The following ZNF423 variants were observed in gnomAD, a reference collection of about 807,000 sequenced individuals.
ZNF423 encodes Ebf-associated zinc finger protein.
ZNF423 carries 12 observed loss-of-function variants against 95.8 expected under a neutral mutation model. The observed-to-expected ratio is 0.13, with a 90% CI of 0.08 to 0.20. The LOEUF (loss-of-function observed/expected upper bound fraction) is 0.20, where lower values mean the gene tolerates loss of function less well. Among genes scored for constraint, ZNF423 ranks in the 10% least tolerant of loss-of-function variants. The pLI is 1.00. For missense variants in ZNF423, 1,316 were observed against 1,737.1 expected, an observed-to-expected ratio of 0.76 and a Z score of 4.31; for synonymous variants, 749 against 711.9, an observed-to-expected ratio of 1.05 and a Z score of -0.83.
At chr16:49,667,503 G>C (rs2030600424) in intron 3 of ZNF423, among the ~76,000 whole-genome samples, 1 of 152,262 alleles carries the variant, frequency 6.6e-6, no homozygotes, top group Admixed American at 6.5e-5. Flanking sequence ...CCCAGAGTCA[G>C]ACCATTATCT....
intron 5 of ZNF423, among the ~76,000 whole-genome samples, chr16:49,605,795 A>C (rs1971520018): frequency 6.6e-6 from 1 of 152,154 alleles, no homozygotes; most frequent in African/African-American, 2.4e-5. Context: ...TTGACTGACA[A>C]GTGTCAGTTG....
At chr16:49,743,319 G>C (rs1380029438) in intron 2 of ZNF423, among the ~76,000 whole-genome samples, 1 of 152,064 alleles carries the variant, frequency 6.6e-6, no homozygotes, top group Non-Finnish European at 1.5e-5. Flanking sequence ...GAGCTCGCTG[G>C]GCACCTCTCC....
In ZNF423 at chr16:49,491,251, A is replaced by G; in HGVS notation, c.*24T>C. 6.2e-7 allele frequency: 1 copy of G among 1,614,060 alleles called. No individual in the cohort carries two copies. ...GGCGTCTCCGGCAAGCCTTCTGCGGAGAGGTGTCCTGTTGAGCGATCCCTC... is the reference window on the plus strand; with the variant it reads ...GGCGTCTCCGGCAAGCCTTCTGCGGGGAGGTGTCCTGTTGAGCGATCCCTC... On this transcript the variant is annotated 3_prime_UTR_variant, in exon 8 of 8. Coordinates refer to ENST00000563137, the MANE Select transcript of ZNF423 (RefSeq NM_001379286.1).
chr16:49,810,753 C>T (rs4074849), intron 1 of ZNF423, among the ~76,000 whole-genome samples: 9,456 of 152,270 alleles, frequency 0.062, 353 homozygotes, highest in South Asian at 0.12. Context: ...CTATAATGCC[C>T]CTCTCGGAAA....
rs374040471 is a variant in ZNF423 at position 49,575,323 on chromosome 16, G to A, written c.3602-49829C>T. The stretch of plus-strand genomic sequence containing the variant: ...CTGCCATTTCATGTAATAATTCCAC[G>A]GGGAGTCCTGGCGGGTATTTAGCTC... On this transcript the variant is annotated intron_variant, in intron 5 of 7. Transcript: ENST00000563137. Among the ~76,000 whole-genome samples the A allele has an allele frequency of 4.5e-4, 69 of 152,134 alleles. No homozygotes were observed. In the South Asian group the frequency reaches 0.011, roughly 23 times the overall value.
Position 49,635,996 on chromosome 16 carries a change from C to A in ZNF423, c.3180G>T (p.Ala1060=). The A allele has an allele frequency of 6.2e-7, 1 of 1,602,084 alleles. No homozygotes were observed. Residue 1060 remains alanine (A), a synonymous_variant, in exon 4 of 8, where the codon GCG becomes GCT. Coordinates refer to ENST00000563137, the MANE Select transcript of ZNF423 (RefSeq NM_001379286.1). The surrounding 1 kb of genome is among the most constrained non-coding windows in gnomAD (Gnocchi z 4.8). ...GCAGCCCCTGGCCATTGGGGGAGGA[C>A]GCCGCTGAGCTGCCCGCCAGCTTCT... The part of the protein sequence containing the change: ...HMQKLAGSSA[A]SSPNGQGLQK...
intron 3 of ZNF423, among the ~76,000 whole-genome samples, chr16:49,657,554 G>A (rs1447253775): frequency 1.3e-5 from 2 of 152,200 alleles, no homozygotes; most frequent in African/African-American, 4.8e-5. Context: ...GGGAGGTGAT[G>A]CCCCCAGGGG....
Position 49,636,322 on chromosome 16 carries a change from C to G in ZNF423, c.2854G>C (p.Gly952Arg). 4 of 1,612,678 alleles carry G rather than the reference C, an allele frequency of 2.5e-6. No homozygotes were observed. The highest frequency in any genetic ancestry group is 3.4e-6 in the Non-Finnish European group (4 of 1,180,022). Residue 952 changes from glycine to arginine, a missense_variant, in exon 4 of 8, where the codon GGG (glycine) becomes CGG (arginine). Gly to Arg is a moderately radical substitution (Grantham distance 125). Transcript: ENST00000563137. This position sits in a 1 kb window ranked among gnomAD's most constrained non-coding sequence, Gnocchi z 8.6. ...TGCGTCTGCAGGTGCTCCCGTAGCC[C>G]GTTCTCCGAGAAGAAAGTCCGTGAA... ...VCSRTFFSEN[G>R]LREHLQTHRG...
At position 49,499,254 on chromosome 16, in the gene ZNF423, G is replaced by A. The variant is rs145029990; in HGVS notation, c.3850-7950C>T. On this transcript the variant is annotated intron_variant, in intron 7 of 7. Transcript: ENST00000563137. ...GCAGCAGCTCTTCCATGCACGGGAT[G>A]TGCGTGAGGTTTTCCCGTCCCTGCC... is the stretch of plus-strand genomic sequence containing the variant. Among the ~76,000 whole-genome samples, 817 of 152,346 alleles carry A rather than the reference G, an allele frequency of 5.4e-3. 10 individuals carry two copies. The highest frequency in any genetic ancestry group is 0.018 in the African/African-American group (753 of 41,578).
intron 5 of ZNF423, among the ~76,000 whole-genome samples, chr16:49,587,712 C>A (rs757792691): frequency 1.1e-4 from 17 of 152,080 alleles, no homozygotes; most frequent in Non-Finnish European, 2.5e-4. Context: ...CTATAAAAGT[C>A]ATCAACTTCT....
At chr16:49,816,913 C>T (rs995758991) in intron 1 of ZNF423, among the ~76,000 whole-genome samples, 2 of 152,212 alleles carry the variant, frequency 1.3e-5, no homozygotes, top group East Asian at 1.9e-4. Flanking sequence ...CTAACCTATA[C>T]TGAGCAATCA....
chr16:49,518,100 T>C (rs1968228896), intron 7 of ZNF423: 2 of 441,688 alleles, frequency 4.5e-6, no homozygotes, highest in South Asian at 1.6e-5. Flanking sequence ...GAAAAGTTCA[T>C]TGCAAGCCCT....
At chr16:49,507,778 C>T (rs12596987) in intron 7 of ZNF423, among the ~76,000 whole-genome samples, 31,109 of 152,164 alleles carry the variant, frequency 0.2, 3,295 homozygotes, top group African/African-American at 0.28. Context: ...GCAATGGTTG[C>T]AGAGGCACCA....
intron 5 of ZNF423, among the ~76,000 whole-genome samples, chr16:49,619,345 A>C (rs141026441): frequency 2.2e-3 from 335 of 152,350 alleles, no homozygotes; most frequent in Non-Finnish European, 4.1e-3. Context: ...TCAATGACAG[A>C]GGCCTTCCCC....
intron 3 of ZNF423, among the ~76,000 whole-genome samples, chr16:49,652,366 C>T (rs1428578157): frequency 6.6e-6 from 1 of 151,702 alleles, no homozygotes; most frequent in Non-Finnish European, 1.5e-5. Context: ...AAAAAAAAAG[C>T]CAGTGCTCAT....
intron 5 of ZNF423, among the ~76,000 whole-genome samples, chr16:49,588,819 A>G (rs2151813248): frequency 6.6e-6 from 1 of 152,358 alleles, no homozygotes; most frequent in South Asian, 2.1e-4. Flanking sequence ...TGCTACCACT[A>G]CGCCACCAGT....
intron 6 of ZNF423, 117 bp downstream of exon 6, chr16:49,525,246 G>C: frequency 6.8e-7 from 1 of 1,463,504 alleles, no homozygotes; most frequent in South Asian, 1.3e-5. Flanking sequence ...ACGGAGTCCT[G>C]GTCTATAACA....
intron 1 of ZNF423, among the ~76,000 whole-genome samples, chr16:49,836,810 A>G (rs1378241230): frequency 6.6e-6 from 1 of 152,048 alleles, no homozygotes; most frequent in Admixed American, 6.5e-5. Flanking sequence ...CTCTCCTACT[A>G]GTAAGAAGGC....
At chr16:49,788,638 C>T (rs1015540466) in intron 2 of ZNF423, among the ~76,000 whole-genome samples, 1 of 152,238 alleles carries the variant, frequency 6.6e-6, no homozygotes, top group South Asian at 2.1e-4. Context: ...TTCTGCAAGA[C>T]TGAAGCAGCT....
Sources: gnomAD v4.1 joint callset for allele counts (sites outside exome capture counted in the v4.1 genomes callset) on GRCh38, gnomAD v4.1.1 for gene constraint, Gnocchi (gnomAD v3.1) non-coding constraint, MANE v1.5 for transcripts, NCBI Gene and HGNC (gene_info 2026-07-23, HGNC 2026-07-21) for gene names.